The following GYS2 variants were observed in gnomAD, a reference collection of about 807,000 sequenced individuals.
GYS2 encodes glycogen [starch] synthase, liver.
A neutral mutation model predicts 85.6 loss-of-function variants in GYS2; 80 were observed. The observed-to-expected ratio is 0.93, with a 90% confidence interval of 0.78 to 1.13. The LOEUF is 1.13. GYS2 is among the 50% of genes most tolerant of loss of function. GYS2 has a pLI of 0.00. For synonymous variants in GYS2, 328 were observed against 300.7 expected, an observed-to-expected ratio of 1.09 and a Z score of -0.94; for missense variants, 881 against 854.9, an observed-to-expected ratio of 1.03 and a Z score of -0.38.
Position 21,559,170 on chromosome 12 carries a change from C to T in GYS2, c.1230-1G>A, listed in dbSNP as rs766733439. ...ATCGTTCAGGTCAGGAATTTCTCCTCTGCAGGGAAAAAATGTTAATAACAA... is the reference window on the plus strand; with the variant it reads ...ATCGTTCAGGTCAGGAATTTCTCCTTTGCAGGGAAAAAATGTTAATAACAA... On this transcript the variant is annotated splice_acceptor_variant, in intron 9 of 15. Coordinates refer to ENST00000261195, the MANE Select transcript of GYS2 (RefSeq NM_021957.4). LOFTEE classifies it high-confidence loss of function. 13 of 1,589,064 alleles carry T rather than the reference C, an allele frequency of 8.2e-6. No individual in the cohort carries two copies. Among genetic ancestry groups the T allele is most frequent in the Non-Finnish European group, 1.1e-5 (13 of 1,158,558 alleles).
chr12:21,551,178 A>T (rs1223772070), intron 11 of GYS2, among the ~76,000 whole-genome samples: 1 of 105,242 alleles, frequency 9.5e-6, no homozygotes, highest in Admixed American at 1.4e-4. Flanking sequence ...ACCCCACAAC[A>T]GTCCCCAGAG....
intron 10 of GYS2, 87 bp from the exon 11 acceptor site, chr12:21,558,400 C>G: frequency 1.3e-6 from 1 of 795,704 alleles, no homozygotes; most frequent in African/African-American, 1.7e-5. Flanking sequence ...GACATTTCAT[C>G]CAACCTTCAC....
chr12:21,580,209 C>A, intron 2 of GYS2, 133 bp downstream of exon 2: 4 of 826,530 alleles, frequency 4.8e-6, no homozygotes, highest in Non-Finnish European at 8.3e-6. Flanking sequence ...AAAGCAAGTT[C>A]ATCATCTTTC....
intron 11 of GYS2, among the ~76,000 whole-genome samples, chr12:21,552,708 A>C (rs1944127712): frequency 6.6e-6 from 1 of 152,150 alleles, no homozygotes; most frequent in Non-Finnish European, 1.5e-5. Flanking sequence ...TATGAGACAA[A>C]CTTTCATCTC....
At chr12:21,587,498 C>T (rs1323916075) in intron 1 of GYS2, among the ~76,000 whole-genome samples, 1 of 152,084 alleles carries the variant, frequency 6.6e-6, no homozygotes, top group Non-Finnish European at 1.5e-5. Flanking sequence ...TTATAAGCGG[C>T]TTTTCCCCCT....
chr12:21,578,151 T>C (rs1944467386), intron 2 of GYS2, among the ~76,000 whole-genome samples: 1 of 152,190 alleles, frequency 6.6e-6, no homozygotes, highest in Non-Finnish European at 1.5e-5. Flanking sequence ...TGTCACTGTG[T>C]TTCTGCCAGT....
At chr12:21,600,212 G>T (rs965783529) in intron 1 of GYS2, among the ~76,000 whole-genome samples, 1 of 152,096 alleles carries the variant, frequency 6.6e-6, no homozygotes, top group Non-Finnish European at 1.5e-5. Flanking sequence ...TCACTAGAAC[G>T]CCTGGATTCA....
chr12:21,539,065 A>G (rs901298265), intron 15 of GYS2, among the ~76,000 whole-genome samples, 193 bp downstream of exon 15: 1 of 152,214 alleles, frequency 6.6e-6, no homozygotes, highest in African/African-American at 2.4e-5. Context: ...TGCTTCTCCA[A>G]TGAGATGAAT....
chr12:21,590,783 C>T (rs1222245175), intron 1 of GYS2, among the ~76,000 whole-genome samples: 1 of 152,210 alleles, frequency 6.6e-6, no homozygotes, highest in African/African-American at 2.4e-5. Context: ...GACTGGCCCA[C>T]TTGATATTCT....
At chr12:21,557,010 G>A (rs796599552) in intron 11 of GYS2, among the ~76,000 whole-genome samples, 10 of 152,258 alleles carry the variant, frequency 6.6e-5, no homozygotes, top group African/African-American at 2.4e-4. Context: ...AAGAATGTGG[G>A]GATTGAAATC....
chr12:21,567,902 G>T lies in GYS2; in HGVS notation c.823+963C>A, dbSNP rs186626928. Reference sequence around the variant, plus strand: ...AGCCTGGCCAAGATAGTGAAACCCCGTCTCTACTAAAAATACAAAAATTAG... The same window carrying T: ...AGCCTGGCCAAGATAGTGAAACCCCTTCTCTACTAAAAATACAAAAATTAG... On this transcript the variant is annotated intron_variant, in intron 5 of 15. Coordinates refer to ENST00000261195, the MANE Select transcript of GYS2 (RefSeq NM_021957.4). 2.8e-4 allele frequency among the ~76,000 whole-genome samples: 43 copies of T among 151,948 alleles called. 2 individuals carry two copies. In the East Asian group the frequency reaches 8.3e-3, roughly 30 times the overall value.
chr12:21,541,417 A>G (rs1484416834), intron 13 of GYS2, among the ~76,000 whole-genome samples: 2 of 151,932 alleles, frequency 1.3e-5, no homozygotes, highest in African/African-American at 2.4e-5. Flanking sequence ...TAAACAATTT[A>G]GGTGAACTTT....
At chr12:21,594,233 C>T (rs1050444796) in intron 1 of GYS2, among the ~76,000 whole-genome samples, 1 of 151,950 alleles carries the variant, frequency 6.6e-6, no homozygotes, top group South Asian at 2.1e-4. Flanking sequence ...CAATATAATA[C>T]TGGAAGTCCT....
At position 21,536,677 on chromosome 12, in the gene GYS2, AT is replaced by A; in HGVS notation, c.*276del. ...GTAAGAGAAAATCCTTACCACTTAA[AT>A]TCACCATTTTAAAAACACTTTTCCG... is the stretch of plus-strand genomic sequence containing the variant. On this transcript the variant is annotated 3_prime_UTR_variant, in exon 16 of 16. Transcript: ENST00000261195. 1 of 453,862 alleles carries A rather than the reference AT, an allele frequency of 2.2e-6. No individual in the cohort carries two copies. Among genetic ancestry groups the A allele is most frequent in the South Asian group, 2.2e-5 (1 of 44,690 alleles). The allele number at this position is 453,862 out of a possible 1,614,324, so 28.1% of individuals were successfully genotyped here.
At chr12:21,602,372 G>T (rs972704007) in intron 1 of GYS2, among the ~76,000 whole-genome samples, 1 of 152,002 alleles carries the variant, frequency 6.6e-6, no homozygotes, top group Non-Finnish European at 1.5e-5. Flanking sequence ...CTATGAACTG[G>T]AGGAGTGGGA....
chr12:21,594,520 T>C (rs562385074), intron 1 of GYS2, among the ~76,000 whole-genome samples: 42 of 152,048 alleles, frequency 2.8e-4, no homozygotes, highest in Non-Finnish European at 4.6e-4. Flanking sequence ...AAATAAAATA[T>C]TTAGGGATAA....
chr12:21,542,127 C>G (rs979249654), intron 13 of GYS2, among the ~76,000 whole-genome samples: 4 of 151,974 alleles, frequency 2.6e-5, no homozygotes, highest in African/African-American at 9.7e-5. Flanking sequence ...AGCTCACTGC[C>G]TCCTCCGCCT....
intron 11 of GYS2, among the ~76,000 whole-genome samples, chr12:21,555,146 T>C (rs1591786819): frequency 6.6e-6 from 1 of 152,146 alleles, no homozygotes; most frequent in Non-Finnish European, 1.5e-5. Context: ...GAAATAAACT[T>C]TCCCTGCCTC....
intron 11 of GYS2, among the ~76,000 whole-genome samples, chr12:21,547,517 C>G (rs2136852481): frequency 6.6e-6 from 1 of 152,270 alleles, no homozygotes; most frequent in East Asian, 1.9e-4. Context: ...AGAAGCTCAT[C>G]TGAAAATACT....
Sources: allele counts gnomAD v4.1 joint callset (sites outside exome capture counted in the v4.1 genomes callset), GRCh38; gene constraint gnomAD v4.1.1; transcripts MANE v1.5; gene names NCBI Gene and HGNC (gene_info 2026-07-23, HGNC 2026-07-21).